The following IGFBP7 variants were observed in gnomAD, a reference collection of about 807,000 sequenced individuals.
The protein encoded by IGFBP7 is insulin like growth factor binding protein 7.
In IGFBP7, 31 loss-of-function variants were observed where a neutral mutation model predicts 29.4. That is an observed-to-expected ratio of 1.05 (90% CI 0.79 to 1.42). The LOEUF is 1.42. IGFBP7 is among the 40% of genes most tolerant of loss of function. The pLI, the probability that IGFBP7 is intolerant of heterozygous loss-of-function variation, is 0.00. For synonymous variants in IGFBP7, 172 were observed against 174.9 expected, an observed-to-expected ratio of 0.98 and a Z score of 0.13; for missense variants, 393 against 395.5, an observed-to-expected ratio of 0.99 and a Z score of 0.05.
intron 2 of IGFBP7, among the ~76,000 whole-genome samples, chr4:57,033,931 G>A (rs1434814287): frequency 6.6e-6 from 1 of 151,152 alleles, no homozygotes; most frequent in Non-Finnish European, 1.5e-5. Context: ...AGCACCCGTA[G>A]TCCCAGCTAC....
chr4:57,085,331 A>G (rs1345500934), intron 1 of IGFBP7, among the ~76,000 whole-genome samples: 3 of 152,082 alleles, frequency 2.0e-5, no homozygotes, highest in African/African-American at 7.2e-5. Context: ...TGCTCTGCAT[A>G]TCTTCAGTGG....
chr4:57,109,227 C>G (rs1444739562), intron 1 of IGFBP7, among the ~76,000 whole-genome samples: 2 of 152,038 alleles, frequency 1.3e-5, no homozygotes, highest in Non-Finnish European at 2.9e-5. Flanking sequence ...CGAGACCAGC[C>G]TAGGCAACAT....
At chr4:57,098,051 C>T (rs1345144353) in intron 1 of IGFBP7, among the ~76,000 whole-genome samples, 1 of 152,184 alleles carries the variant, frequency 6.6e-6, no homozygotes, top group Non-Finnish European at 1.5e-5. Flanking sequence ...ATGTGAAAAA[C>T]TTCATCCCAA....
intron 1 of IGFBP7, among the ~76,000 whole-genome samples, chr4:57,048,359 C>T (rs1041443582): frequency 6.6e-6 from 1 of 152,174 alleles, no homozygotes. Context: ...TCCTTTGCCA[C>T]TTTTAATTAA....
chr4:57,056,065 C>T (rs1301115573), intron 1 of IGFBP7, among the ~76,000 whole-genome samples: 1 of 152,068 alleles, frequency 6.6e-6, no homozygotes, highest in African/African-American at 2.4e-5. Context: ...TGGCAGACAA[C>T]CCCAGACGTT....
chr4:57,054,637 CACAAAAAAAAAAAAA>C (rs1724600856), intron 1 of IGFBP7, among the ~76,000 whole-genome samples: 2 of 125,852 alleles, frequency 1.6e-5, no homozygotes, highest in Non-Finnish European at 3.3e-5. Flanking sequence ...GGCTCTCTCT[CACAAAAAAAAAAAAA>C]AAAAAAAAAA....
intron 1 of IGFBP7, among the ~76,000 whole-genome samples, chr4:57,063,350 A>T (rs941900435): frequency 6.6e-6 from 1 of 152,118 alleles, no homozygotes; most frequent in Non-Finnish European, 1.5e-5. Context: ...ACCCCATTAG[A>T]TCGTGGGCTC....
intron 1 of IGFBP7, among the ~76,000 whole-genome samples, chr4:57,108,790 GC>G (rs1333806138): frequency 1.3e-5 from 2 of 152,028 alleles, no homozygotes; most frequent in Non-Finnish European, 2.9e-5. Flanking sequence ...CTCGTGATCT[GC>G]CCATCTTGGC....
intron 1 of IGFBP7, among the ~76,000 whole-genome samples, chr4:57,050,960 G>T (rs13145672): frequency 2.0e-5 from 3 of 151,874 alleles, no homozygotes; most frequent in Non-Finnish European, 4.4e-5. Flanking sequence ...CTTGATGCTG[G>T]GTCCTGAAAA....
At chr4:57,068,809 C>A (rs561535141) in intron 1 of IGFBP7, among the ~76,000 whole-genome samples, 1 of 152,106 alleles carries the variant, frequency 6.6e-6, no homozygotes, top group Non-Finnish European at 1.5e-5. Flanking sequence ...AAATTTAGAA[C>A]ATGGGCTCAT....
intron 1 of IGFBP7, among the ~76,000 whole-genome samples, chr4:57,096,411 A>G (rs1050297898): frequency 2.0e-5 from 3 of 151,860 alleles, no homozygotes; most frequent in African/African-American, 7.3e-5. Context: ...TCTTTTTAGA[A>G]CAATAGTTCT....
rs756949911 is a variant in IGFBP7, at chr4:57,110,029, C to T, written c.323G>A (p.Ser108Asn). The T allele has an allele frequency of 2.4e-5, 37 of 1,557,012 alleles. No homozygotes were observed. Among genetic ancestry groups the T allele is most frequent in the African/African-American group, 4.1e-5 (3 of 73,848 alleles). Residue 108 changes from serine (S) to asparagine (N), a missense_variant, in exon 1 of 5, where the codon AGC (serine) becomes AAC (asparagine). Coordinates refer to ENST00000295666, the MANE Select transcript of IGFBP7 (RefSeq NM_001553.3). Reference sequence around the variant, plus strand: ...GCGGCTCTTGCACACGCACACGCCGCTTACACCCGGACCGCCGGCTGCTGC... The same window carrying T: ...GCGGCTCTTGCACACGCACACGCCGTTTACACCCGGACCGCCGGCTGCTGC... ...AGAAAGGPGVSGVCVCKSRYP... is the reference protein window; with the variant it reads ...AGAAAGGPGVNGVCVCKSRYP...
rs117432361 is a variant in IGFBP7 at position 57,100,177 on chromosome 4, C to A, written c.475+9700G>T. 1.6e-4 allele frequency among the ~76,000 whole-genome samples: 24 copies of A among 151,748 alleles called. No homozygotes were observed. The East Asian group carries it at 4.1e-3, about 26-fold the overall frequency. ...CCTTGATGACTGTGCTAGAGCGACC[C>A]TCTCACTTTAGCCTCCTGAGTAGCT... On this transcript the variant is annotated intron_variant, in intron 1 of 4. Coordinates refer to ENST00000295666, the MANE Select transcript of IGFBP7 (RefSeq NM_001553.3).
intron 1 of IGFBP7, among the ~76,000 whole-genome samples, chr4:57,106,723 C>T (rs929835589): frequency 6.6e-6 from 1 of 152,022 alleles, no homozygotes; most frequent in East Asian, 1.9e-4. Flanking sequence ...AATGGGATTG[C>T]CAAAGAGCTC....
intron 1 of IGFBP7, among the ~76,000 whole-genome samples, chr4:57,072,260 G>C (rs181325297): frequency 6.6e-6 from 1 of 152,078 alleles, no homozygotes; most frequent in Non-Finnish European, 1.5e-5. Flanking sequence ...TTGGTTTTCT[G>C]TTTCTACGTT....
At chr4:57,035,672 G>A (rs377082877) in intron 2 of IGFBP7, among the ~76,000 whole-genome samples, 5 of 152,118 alleles carry the variant, frequency 3.3e-5, no homozygotes, top group African/African-American at 1.2e-4. Flanking sequence ...TATTGGCCAG[G>A]GTGGTCTCGA....
Position 57,110,142 on chromosome 4 carries a change from C to T in IGFBP7, c.210G>A (p.Pro70=). The T allele has an allele frequency of 6.7e-7, 1 of 1,485,430 alleles. No individual in the cohort carries two copies. The highest frequency in any genetic ancestry group is 1.3e-5 in the South Asian group (1 of 78,174). The allele number at this position is 1,485,430 out of a possible 1,614,324, so 92.0% of individuals were successfully genotyped here. A position where few individuals can be genotyped will look rare whatever the true frequency, so the allele number is the denominator to read the frequency against. The change falls in exon 1 of 5, where the codon CCG becomes CCA. Residue 70 remains proline, a synonymous_variant. Transcript: ENST00000295666. ...CPMCARGEGE[P]CGGGGAGRGY... is the part of the protein sequence containing the mutation. ...CCCTGCCGGCGCCGCCACCCCCGCA[C>T]GGCTCGCCCTCGCCGCGGGCGCACA...
chr4:57,035,265 A>G (rs983874557), intron 2 of IGFBP7, among the ~76,000 whole-genome samples: 2 of 152,144 alleles, frequency 1.3e-5, no homozygotes, highest in Non-Finnish European at 2.9e-5. Flanking sequence ...CACAATATAG[A>G]TATACTTTAT....
At chr4:57,072,309 T>C (rs1053901695) in intron 1 of IGFBP7, among the ~76,000 whole-genome samples, 5 of 152,164 alleles carry the variant, frequency 3.3e-5, no homozygotes, top group African/African-American at 1.2e-4. Flanking sequence ...CCATTCATGT[T>C]CCCACAAAAG....
Sources: allele counts gnomAD v4.1 joint callset (sites outside exome capture counted in the v4.1 genomes callset), GRCh38; gene constraint gnomAD v4.1.1; transcripts MANE v1.5; gene names NCBI Gene and HGNC (gene_info 2026-07-23, HGNC 2026-07-21).